The following TOMM20L variants were observed in gnomAD, a reference collection of about 807,000 sequenced individuals.
TOMM20L encodes the protein translocase of outer mitochondrial membrane 20 like, also known as TOMM20-like protein 1.
TOMM20L carries 19 observed loss-of-function variants against 20.4 expected under a neutral mutation model. The observed-to-expected ratio is 0.93, with a 90% CI of 0.65 to 1.36. TOMM20L has a LOEUF of 1.36. Among genes scored for constraint, TOMM20L ranks in the 40% most tolerant of loss-of-function variants. The pLI is 0.00. For missense variants in TOMM20L, 218 were observed against 203.7 expected, an observed-to-expected ratio of 1.07 and a Z score of -0.43; for synonymous variants, 75 against 79.6, an observed-to-expected ratio of 0.94 and a Z score of 0.30.
At chr14:58,408,960 A>G (rs1248936520), downstream of TOMM20L, 2 of 1,556,288 alleles carry the variant, frequency 1.3e-6, no homozygotes, top group Non-Finnish European at 1.7e-6. Flanking sequence ...AGGGGATTCT[A>G]TCAGATGAGT....
At chr14:58,404,952 C>T (rs892699496) in intron 3 of TOMM20L, among the ~76,000 whole-genome samples, 1 of 151,690 alleles carries the variant, frequency 6.6e-6, no homozygotes, top group Admixed American at 6.6e-5. Context: ...GCATAGGCCT[C>T]TAAGGCCCCC....
At position 58,396,034 on chromosome 14, in the gene TOMM20L, GTAT is replaced by G. The variant is rs749906877; in HGVS notation, c.79_81del (p.Ile27del). Reference sequence around the variant, plus strand: ...GGCGCCTTCGCCTTCCTGGGCTATTGTATTTACCTCAACCGGAAGCGGCGCGGG... The same window carrying G: ...GGCGCCTTCGCCTTCCTGGGCTATTGTTACCTCAACCGGAAGCGGCGCGGG... On this transcript the variant is annotated inframe_deletion, in exon 1 of 5. Coordinates refer to ENST00000360945, the MANE Select transcript of TOMM20L (RefSeq NM_207377.3). 6.9e-7 allele frequency: 1 copy of G among 1,440,436 alleles called. No individual in the cohort carries two copies. Among genetic ancestry groups the G allele is most frequent in the Non-Finnish European group, 9.2e-7 (1 of 1,091,844 alleles). 89.2% of individuals were successfully genotyped at this position (1,440,436 alleles called of 1,614,324 possible). A position where few individuals can be genotyped will look rare whatever the true frequency, so the allele number is the denominator to read the frequency against.
chr14:58,412,045 T>C, downstream of TOMM20L: 1 of 1,049,482 alleles, frequency 9.5e-7, no homozygotes, highest in Non-Finnish European at 1.4e-6. Context: ...AGTTAGGGAA[T>C]CACTGCTCGT....
At chr14:58,400,172 G>A (rs1566741792) in intron 2 of TOMM20L, among the ~76,000 whole-genome samples, 1 of 151,872 alleles carries the variant, frequency 6.6e-6, no homozygotes. Flanking sequence ...TTGAGAGGCT[G>A]AGGTGGTTGG....
intron 2 of TOMM20L, chr14:58,398,599 A>G (rs950265172): frequency 6.6e-6 from 1 of 152,232 alleles, no homozygotes; most frequent in Middle Eastern, 3.4e-3. Flanking sequence ...TCCAGTGTGG[A>G]GAAAGGAAGT....
intron 2 of TOMM20L, among the ~76,000 whole-genome samples, chr14:58,397,251 C>T (rs561686992): frequency 6.6e-6 from 1 of 152,222 alleles, no homozygotes; most frequent in Admixed American, 6.5e-5. Context: ...GACAAGCAAA[C>T]ACATATATGT....
At chr14:58,407,807 G>T (rs977353710) in intron 4 of TOMM20L, among the ~76,000 whole-genome samples, 6 of 152,092 alleles carry the variant, frequency 3.9e-5, no homozygotes, top group Non-Finnish European at 7.4e-5. Flanking sequence ...GTTTAAAATG[G>T]TATCAAATGA....
downstream of TOMM20L, chr14:58,409,212 G>T (rs1424557226): frequency 6.3e-7 from 1 of 1,594,442 alleles, no homozygotes; most frequent in Non-Finnish European, 8.5e-7. Flanking sequence ...ACAAAAATAT[G>T]AATTTTTTAA....
chr14:58,396,709 C>T (rs534686780), intron 2 of TOMM20L, among the ~76,000 whole-genome samples: 19 of 152,350 alleles, frequency 1.2e-4, no homozygotes, highest in Non-Finnish European at 2.5e-4. Flanking sequence ...GATTGTTCTC[C>T]CGCAGGGCCT....
chr14:58,411,499 T>C (rs1222301340), downstream of TOMM20L, among the ~76,000 whole-genome samples: 2 of 151,292 alleles, frequency 1.3e-5, no homozygotes, highest in Non-Finnish European at 2.9e-5. Flanking sequence ...TTAATATCCA[T>C]TTTGGAAATG....
chr14:58,412,460 G>C (rs931247067), downstream of TOMM20L, among the ~76,000 whole-genome samples: 1 of 151,896 alleles, frequency 6.6e-6, no homozygotes, highest in African/African-American at 2.4e-5. Context: ...ATTTTCTAAT[G>C]CTAGTTTGGG....
chr14:58,400,469 T>C (rs921600996), intron 2 of TOMM20L, among the ~76,000 whole-genome samples: 1 of 151,362 alleles, frequency 6.6e-6, no homozygotes, highest in Non-Finnish European at 1.5e-5. Flanking sequence ...CTTGGCGCTA[T>C]GCCTTTGATG....
At chr14:58,401,563 C>G (rs1483213758) in intron 2 of TOMM20L, among the ~76,000 whole-genome samples, 1 of 139,696 alleles carries the variant, frequency 7.2e-6, no homozygotes, top group Admixed American at 7.1e-5. Flanking sequence ...GAGCAAGACT[C>G]TGTCTCAAAA....
At chr14:58,402,447 C>G (rs2036003694) in intron 2 of TOMM20L, among the ~76,000 whole-genome samples, 1 of 151,948 alleles carries the variant, frequency 6.6e-6, no homozygotes, top group Admixed American at 6.6e-5. Context: ...CACCACCACA[C>G]CTGGCTAATT....
At chr14:58,412,901 AAAT>A (rs1010906134), downstream of TOMM20L, among the ~76,000 whole-genome samples, 17 of 151,872 alleles carry the variant, frequency 1.1e-4, no homozygotes, top group East Asian at 1.5e-3. Flanking sequence ...ACTCCATCTC[AAAT>A]AATAATAATA....
At chr14:58,412,030 TGAAG>T, downstream of TOMM20L, 13 of 1,312,294 alleles carry the variant, frequency 9.9e-6, no homozygotes, top group African/African-American at 1.4e-5. Context: ...TTAGTCTAAC[TGAAG>T]AGTTAGGGAA....
chr14:58,404,359 G>A (rs1323528622), intron 3 of TOMM20L, among the ~76,000 whole-genome samples: 1 of 149,494 alleles, frequency 6.7e-6, no homozygotes, highest in African/African-American at 2.4e-5. Flanking sequence ...TCGATCTCCT[G>A]ACCTCGTGAT....
At chr14:58,414,475 C>A in the TOMM20L span, among the ~76,000 whole-genome samples, 1 of 152,060 alleles carries the variant, frequency 6.6e-6, no homozygotes, top group African/African-American at 2.4e-5. Context: ...CGGTGGCTCA[C>A]ACTTGTAATC....
chr14:58,407,506 A>C, intron 4 of TOMM20L, 38 bp downstream of exon 4: 1 of 1,582,326 alleles, frequency 6.3e-7, no homozygotes, highest in Non-Finnish European at 8.6e-7. Flanking sequence ...AAATGTACAC[A>C]GTAAATAGCT....
Sources: allele counts gnomAD v4.1 joint callset (sites outside exome capture counted in the v4.1 genomes callset), GRCh38; gene constraint gnomAD v4.1.1; transcripts MANE v1.5; gene names NCBI Gene and HGNC (gene_info 2026-07-23, HGNC 2026-07-21).